CHCHD6: variants seen among roughly 807,000 people sequenced by gnomAD.
The protein encoded by CHCHD6 is coiled-coil-helix-coiled-coil-helix domain containing 6.
A neutral mutation model predicts 32.3 loss-of-function variants in CHCHD6; 28 were observed. The observed-to-expected ratio is 0.87, with a 90% CI of 0.64 to 1.19. The LOEUF is 1.19. CHCHD6 is among the 50% of genes most tolerant of loss of function. The pLI, the probability that CHCHD6 is intolerant of heterozygous loss-of-function variation, is 0.00. For synonymous variants in CHCHD6, 122 were observed against 117.5 expected, an observed-to-expected ratio of 1.04 and a Z score of -0.25; for missense variants, 333 against 307.0, an observed-to-expected ratio of 1.08 and a Z score of -0.63.
At chr3:126,941,484 T>C (rs567205437) in intron 6 of CHCHD6, among the ~76,000 whole-genome samples, 1 of 152,360 alleles carries the variant, frequency 6.6e-6, no homozygotes, top group Admixed American at 6.5e-5. Flanking sequence ...CTTTTGAGGT[T>C]GAATTTAGAA....
intron 4 of CHCHD6, among the ~76,000 whole-genome samples, chr3:126,802,881 C>CA (rs1939154828): frequency 6.6e-6 from 1 of 152,150 alleles, no homozygotes; most frequent in Admixed American, 6.5e-5. Flanking sequence ...AGAAACTCTA[C>CA]AAGCCAGAAG....
chr3:126,819,473 G>A (rs1222577284), intron 4 of CHCHD6, among the ~76,000 whole-genome samples: 2 of 152,340 alleles, frequency 1.3e-5, no homozygotes, highest in Admixed American at 6.5e-5. Flanking sequence ...TCCTTCCTAT[G>A]AGGAGGCTAT....
intron 6 of CHCHD6, among the ~76,000 whole-genome samples, chr3:126,915,868 G>A (rs1032377758): frequency 6.6e-6 from 1 of 152,116 alleles, no homozygotes; most frequent in African/African-American, 2.4e-5. Context: ...ATGGCTCAAT[G>A]CAGCCTTGAC....
intron 6 of CHCHD6, among the ~76,000 whole-genome samples, chr3:126,921,609 G>A (rs1390892069): frequency 6.6e-6 from 1 of 152,178 alleles, no homozygotes; most frequent in African/African-American, 2.4e-5. Flanking sequence ...AGCCCTCAAA[G>A]AGGTTAGAAC....
At chr3:126,833,164 C>T (rs996941833) in intron 4 of CHCHD6, among the ~76,000 whole-genome samples, 2 of 152,224 alleles carry the variant, frequency 1.3e-5, no homozygotes, top group Non-Finnish European at 2.9e-5. Flanking sequence ...CATGCTCATA[C>T]ATATGTCTCT....
At chr3:126,926,889 C>T (rs978343380) in intron 6 of CHCHD6, among the ~76,000 whole-genome samples, 7 of 152,186 alleles carry the variant, frequency 4.6e-5, no homozygotes, top group Non-Finnish European at 1.0e-4. Context: ...AGATATTCCA[C>T]TCCCACGCCG....
chr3:126,751,996 C>A lies in CHCHD6; in HGVS notation c.411+18774C>A, dbSNP rs570638343. On this transcript the variant is annotated intron_variant, in intron 4 of 7. Transcript: ENST00000290913. ...TAGTAAAATTCACTCATCTAATGGC[C>A]GTTTAAAAATCACAGCTTTTAGGCC... is the stretch of plus-strand genomic sequence containing the variant. Among the ~76,000 whole-genome samples, 3 of 152,256 alleles carry A rather than the reference C, an allele frequency of 2.0e-5. No homozygotes were observed. The East Asian group carries it at 5.8e-4, about 29-fold the overall frequency.
rs78296674 is a variant in CHCHD6 at position 126,945,830 on chromosome 3, G to A, written c.567-11586G>A. Among the ~76,000 whole-genome samples, 1,007 of 151,686 alleles carry A rather than the reference G, an allele frequency of 6.6e-3. 13 individuals carry two copies. Among genetic ancestry groups the A allele is most frequent in the African/African-American group, 0.023 (970 of 41,288 alleles). On this transcript the variant is annotated intron_variant, in intron 6 of 7. Coordinates refer to ENST00000290913, the MANE Select transcript of CHCHD6 (RefSeq NM_032343.3). ...ATGGGGAGACTAAAGGGGTAAACTTGGGGAGACTTGAGGGGGGAAGTGAAT... is the reference window on the plus strand; with the variant it reads ...ATGGGGAGACTAAAGGGGTAAACTTAGGGAGACTTGAGGGGGGAAGTGAAT...
intron 5 of CHCHD6, among the ~76,000 whole-genome samples, chr3:126,913,969 C>T (rs2078132728): frequency 6.6e-6 from 1 of 152,242 alleles, no homozygotes; most frequent in South Asian, 2.1e-4. Flanking sequence ...CTTCCCTCCA[C>T]AAACCTGGGT....
At chr3:126,723,865 C>A (rs776342948) in intron 1 of CHCHD6, among the ~76,000 whole-genome samples, 1 of 152,166 alleles carries the variant, frequency 6.6e-6, no homozygotes, top group Non-Finnish European at 1.5e-5. Context: ...TTTTTAATGT[C>A]TTTCCCTCCG....
intron 6 of CHCHD6, among the ~76,000 whole-genome samples, chr3:126,915,915 C>A (rs983276616): frequency 1.3e-5 from 2 of 152,020 alleles, no homozygotes; most frequent in Non-Finnish European, 2.9e-5. Context: ...CTCAGACTCC[C>A]GAGTAACTGA....
At chr3:126,782,402 G>A (rs745707620) in intron 4 of CHCHD6, among the ~76,000 whole-genome samples, 9 of 152,318 alleles carry the variant, frequency 5.9e-5, no homozygotes, top group Non-Finnish European at 1.0e-4. Flanking sequence ...TTTCATTGAC[G>A]GTTGAGTAAG....
At chr3:126,776,784 A>G (rs1207905796) in intron 4 of CHCHD6, among the ~76,000 whole-genome samples, 1 of 151,818 alleles carries the variant, frequency 6.6e-6, no homozygotes, top group Non-Finnish European at 1.5e-5. Flanking sequence ...AACCAACATC[A>G]TTTTTTTTCT....
intron 5 of CHCHD6, among the ~76,000 whole-genome samples, chr3:126,890,695 C>CT (rs752536883): frequency 5.3e-5 from 8 of 152,178 alleles, no homozygotes; most frequent in Non-Finnish European, 1.0e-4. Flanking sequence ...TCTAAGAACC[C>CT]TACTAAAGCA....
chr3:126,869,033 A>G (rs910260020), intron 5 of CHCHD6, among the ~76,000 whole-genome samples: 1 of 152,234 alleles, frequency 6.6e-6, no homozygotes, highest in Non-Finnish European at 1.5e-5. Flanking sequence ...AATTACTCAT[A>G]TAATGCACAT....
chr3:126,814,648 G>C (rs1205141721), intron 4 of CHCHD6, among the ~76,000 whole-genome samples: 1 of 152,224 alleles, frequency 6.6e-6, no homozygotes, highest in Non-Finnish European at 1.5e-5. Flanking sequence ...GGTACGCCCA[G>C]GGAGGACACA....
At chr3:126,886,206 A>T (rs1372783550) in intron 5 of CHCHD6, among the ~76,000 whole-genome samples, 1 of 152,220 alleles carries the variant, frequency 6.6e-6, no homozygotes, top group Non-Finnish European at 1.5e-5. Flanking sequence ...ACAAACTTTT[A>T]TAGATATAAA....
intron 5 of CHCHD6, among the ~76,000 whole-genome samples, chr3:126,873,046 G>T (rs904058609): frequency 7.2e-5 from 11 of 152,200 alleles, no homozygotes; most frequent in Non-Finnish European, 1.6e-4. Context: ...CTACTTCCTT[G>T]AACACGGCTG....
At chr3:126,790,947 TG>T (rs1298632942) in intron 4 of CHCHD6, among the ~76,000 whole-genome samples, 1 of 152,232 alleles carries the variant, frequency 6.6e-6, no homozygotes, top group Non-Finnish European at 1.5e-5. Context: ...TCCCCATTTT[TG>T]TGGTTTTATC....
Sources: gnomAD v4.1 joint callset for allele counts (sites outside exome capture counted in the v4.1 genomes callset) on GRCh38, gnomAD v4.1.1 for gene constraint, MANE v1.5 for transcripts, NCBI Gene and HGNC (gene_info 2026-07-23, HGNC 2026-07-21) for gene names.